Variants in ANKRD30A observed in about 807,000 individuals in gnomAD.
ANKRD30A encodes ankyrin repeat domain-containing protein 30A.
A neutral mutation model predicts 166.3 loss-of-function variants in ANKRD30A; 170 were observed. The ratio of observed to expected loss-of-function variants is 1.02; its 90% CI spans 0.90 to 1.16. The LOEUF is 1.16. Ranked by LOEUF, ANKRD30A falls within the 50% of genes most tolerant of loss-of-function variation. The pLI, the probability that ANKRD30A is intolerant of heterozygous loss-of-function variation, is 0.00. For missense variants in ANKRD30A, 1,630 were observed against 1,518.0 expected, an observed-to-expected ratio of 1.07 and a Z score of -1.23; for synonymous variants, 564 against 508.9, an observed-to-expected ratio of 1.11 and a Z score of -1.46.
downstream of ANKRD30A, among the ~76,000 whole-genome samples, chr10:37,235,516 A>G (rs763493482): frequency 2.6e-5 from 4 of 152,180 alleles, no homozygotes; most frequent in Non-Finnish European, 4.4e-5. Flanking sequence ...AGAGAATGGT[A>G]TTACATTTTA....
At chr10:37,178,177 T>A (rs930378059) in intron 24 of ANKRD30A, among the ~76,000 whole-genome samples, 1 of 151,260 alleles carries the variant, frequency 6.6e-6, no homozygotes, top group African/African-American at 2.4e-5. Flanking sequence ...TAATGTGACC[T>A]TCTAGAATCA....
intron 9 of ANKRD30A, among the ~76,000 whole-genome samples, chr10:37,148,053 A>G (rs1006476253): frequency 1.3e-5 from 2 of 152,194 alleles, no homozygotes; most frequent in Admixed American, 6.5e-5. Context: ...TTTATCATAT[A>G]CACTCAGTAT....
the ANKRD30A span, chr10:37,241,376 A>G: frequency 1.3e-5 from 2 of 151,110 alleles, 1 homozygote; most frequent in Non-Finnish European, 3.0e-5. Context: ...TTAACATAAA[A>G]CATATAAAAT....
At chr10:37,242,611 A>G in the ANKRD30A span, among the ~76,000 whole-genome samples, 34 of 152,344 alleles carry the variant, frequency 2.2e-4, no homozygotes, top group African/African-American at 6.3e-4. Flanking sequence ...TTCATATAAA[A>G]AAGTCATGAC....
rs1383588635 is a variant in ANKRD30A, at chr10:37,219,867, T to A, written c.4155T>A (p.Tyr1385Ter). 1.3e-6 allele frequency: 2 copies of A among 1,537,556 alleles called. No homozygotes were observed. Among genetic ancestry groups the A allele is most frequent in the Non-Finnish European group, 1.8e-6 (2 of 1,142,624 alleles). The change falls in exon 34 of 36, where the codon TAT becomes TAA. Residue 1385 changes from tyrosine (Y) to a stop codon, truncating the protein, a stop_gained. Coordinates refer to ENST00000361713, the MANE Select transcript of ANKRD30A (RefSeq NM_052997.3). LOFTEE classifies it high-confidence loss of function. ...ATAACCATTTAAAAAACCGTATATATCAATATGAAAAAGAGAAAGCAGAAA... is the reference window on the plus strand; with the variant it reads ...ATAACCATTTAAAAAACCGTATATAACAATATGAAAAAGAGAAAGCAGAAA... ...NYNNHLKNRI[Y>*]QYEKEKAETE...
At chr10:37,155,737 C>G (rs1838318170) in intron 13 of ANKRD30A, among the ~76,000 whole-genome samples, 1 of 152,072 alleles carries the variant, frequency 6.6e-6, no homozygotes, top group Admixed American at 6.6e-5. Flanking sequence ...TGTTGTCATT[C>G]TACAGCAACT....
At chr10:37,197,957 T>A (rs1307856643) in intron 29 of ANKRD30A, among the ~76,000 whole-genome samples, 1 of 151,924 alleles carries the variant, frequency 6.6e-6, no homozygotes, top group South Asian at 2.1e-4. Flanking sequence ...TGTGTGTTTA[T>A]GTGTGTGTGT....
At position 37,129,900 on chromosome 10, in the gene ANKRD30A, C is replaced by A; in HGVS notation, c.229C>A (p.Leu77Ile). 1 of 1,525,354 alleles carries A rather than the reference C, an allele frequency of 6.6e-7. No homozygotes were observed. The highest frequency in any genetic ancestry group is 8.8e-7 in the Non-Finnish European group (1 of 1,132,334). The allele number at this position is 1,525,354 out of a possible 1,614,324, so 94.5% of individuals were successfully genotyped here. The change falls in exon 2 of 36, where the codon CTA becomes ATA. Residue 77 changes from leucine (L) to isoleucine (I), a missense_variant. Physicochemically the swap from Leu to Ile is conservative, Grantham distance 5. This residue lies in a region of ANKRD30A where 904 missense variants were observed against 818.5 expected (regional missense o/e 1.10). Transcript: ENST00000361713. ...GTCCTCTCACTCTCGTAGGACTGCT[C>A]TACACTGGGCCTGTGTCAATGGCCA... Reference protein sequence around the residue: ...NIQDAQKRTALHWACVNGHEE... With the variant: ...NIQDAQKRTAIHWACVNGHEE...
chr10:37,130,547 A>G (rs1391037091), intron 3 of ANKRD30A, among the ~76,000 whole-genome samples, 169 bp downstream of exon 3: 1 of 152,240 alleles, frequency 6.6e-6, no homozygotes, highest in African/African-American at 2.4e-5. Flanking sequence ...TTTTACAAGA[A>G]CTATTAGAGA....
chr10:37,232,401 T>C (rs1843452615), intron 35 of ANKRD30A, 98 bp from the exon 36 acceptor site: 1 of 151,418 alleles, frequency 6.6e-6, no homozygotes, highest in Admixed American at 6.6e-5. Flanking sequence ...CTTATGTATG[T>C]CTATCACTTG....
the ANKRD30A span, among the ~76,000 whole-genome samples, chr10:37,243,058 T>C: frequency 6.6e-6 from 1 of 152,192 alleles, no homozygotes. Context: ...CTAGTAATTG[T>C]ATAAATATTT....
chr10:37,135,637 T>C (rs1373449315), intron 5 of ANKRD30A, among the ~76,000 whole-genome samples: 1 of 152,174 alleles, frequency 6.6e-6, no homozygotes, highest in Non-Finnish European at 1.5e-5. Flanking sequence ...TCATAGTTAC[T>C]AAGCATCATT....
chr10:37,183,877 G>A (rs9418255), intron 24 of ANKRD30A, among the ~76,000 whole-genome samples: 32,836 of 143,554 alleles, frequency 0.23, 468 homozygotes, highest in Admixed American at 0.29. Flanking sequence ...GACCGGGTGC[G>A]GTGGCTCACG....
At chr10:37,192,698 A>G (rs920353349) in intron 25 of ANKRD30A, among the ~76,000 whole-genome samples, 10 of 151,974 alleles carry the variant, frequency 6.6e-5, no homozygotes, top group Admixed American at 6.6e-5. Flanking sequence ...TTAGTCATTT[A>G]TTCTGTTTTG....
At chr10:37,165,803 A>T (rs184093242) in intron 18 of ANKRD30A, among the ~76,000 whole-genome samples, 15 of 152,118 alleles carry the variant, frequency 9.9e-5, no homozygotes, top group South Asian at 8.3e-4. Flanking sequence ...ATGAGCGTCA[A>T]ATCATAGTGA....
At chr10:37,212,205 A>G (rs1421858317) in intron 31 of ANKRD30A, among the ~76,000 whole-genome samples, 1 of 152,104 alleles carries the variant, frequency 6.6e-6, no homozygotes, top group Non-Finnish European at 1.5e-5. Flanking sequence ...AAAAATCACA[A>G]GCATTGTTAT....
chr10:37,217,659 C>G (rs1842670793), intron 32 of ANKRD30A, 36 bp from the exon 33 acceptor site: 3 of 1,442,222 alleles, frequency 2.1e-6, no homozygotes, highest in African/African-American at 1.5e-5. Flanking sequence ...TATTTTCTAA[C>G]AAAATGAATT....
At chr10:37,150,116 C>G (rs188518400) in intron 11 of ANKRD30A, among the ~76,000 whole-genome samples, 1 of 152,164 alleles carries the variant, frequency 6.6e-6, no homozygotes, top group African/African-American at 2.4e-5. Context: ...TTCTGTAATT[C>G]TTAAAGATTC....
Position 37,197,428 on chromosome 10 carries a change from G to T in ANKRD30A, c.2664G>T (p.Lys888Asn), listed in dbSNP as rs766046581. 6.2e-6 allele frequency: 10 copies of T among 1,612,558 alleles called. No homozygotes were observed. The highest frequency in any genetic ancestry group is 8.5e-6 in the Non-Finnish European group (10 of 1,179,682). ...SAFEPAIEMQ[K>N]SVPNKALELK... ...TTTAGCCTGCCATTGAAATGCAAAAGTCTGTTCCAAATAAAGCCTTGGAAT... is the reference window on the plus strand; with the variant it reads ...TTTAGCCTGCCATTGAAATGCAAAATTCTGTTCCAAATAAAGCCTTGGAAT... Residue 888 changes from lysine to asparagine, a missense_variant, in exon 29 of 36, where the codon AAG becomes AAT. Transcript: ENST00000361713.
Sources: gnomAD v4.1 joint callset for allele counts (sites outside exome capture counted in the v4.1 genomes callset) on GRCh38, gnomAD v4.1.1 for gene constraint, gnomAD v4.1.1 regional missense constraint, MANE v1.5 for transcripts, NCBI Gene and HGNC (gene_info 2026-07-23, HGNC 2026-07-21) for gene names.